PRKDC: variants seen among roughly 807,000 people sequenced by gnomAD.
PRKDC encodes protein kinase, DNA-activated, catalytic subunit, also known as DNA-dependent protein kinase catalytic subunit.
Under a neutral mutation model 486.9 loss-of-function variants are expected in PRKDC, and 82 were observed. The observed-to-expected ratio is 0.17, with a 90% CI of 0.14 to 0.20. The LOEUF is 0.20. Ranked by LOEUF, PRKDC falls within the 10% of genes least tolerant of loss-of-function variation. The pLI, the probability that PRKDC is intolerant of heterozygous loss-of-function variation, is 1.00. For missense variants in PRKDC, 4,504 were observed against 5,038.2 expected (o/e 0.89, Z 3.21); for synonymous variants, 1,895 against 1,837.0 (o/e 1.03, Z -0.81).
chr8:47,812,081 TAGGA>T (rs1363536058), intron 68 of PRKDC, among the ~76,000 whole-genome samples: 2 of 152,202 alleles, frequency 1.3e-5, no homozygotes, highest in African/African-American at 2.4e-5. Flanking sequence ...ATAATTTCAT[TAGGA>T]AGACAGCAGT....
chr8:47,798,211 C>T (rs200370318), intron 73 of PRKDC, 26 bp downstream of exon 73: 1 of 1,600,532 alleles, frequency 6.2e-7, no homozygotes, highest in Non-Finnish European at 8.5e-7. Flanking sequence ...AAGTTCCTTA[C>T]CGCCAAGTAG....
chr8:47,942,712 A>G (rs1029683868), intron 10 of PRKDC, among the ~76,000 whole-genome samples: 7 of 152,258 alleles, frequency 4.6e-5, no homozygotes, highest in African/African-American at 1.7e-4. Context: ...ACCAGTGCTC[A>G]GAATGACAAG....
At chr8:47,894,917 A>C (rs1483764986) in intron 30 of PRKDC, among the ~76,000 whole-genome samples, 1 of 152,154 alleles carries the variant, frequency 6.6e-6, no homozygotes, top group Non-Finnish European at 1.5e-5. Flanking sequence ...TCTACAAAAA[A>C]ACTTAAAAAT....
chr8:47,835,873 C>T (rs1038837309), intron 58 of PRKDC, among the ~76,000 whole-genome samples: 1 of 151,944 alleles, frequency 6.6e-6, no homozygotes, highest in Non-Finnish European at 1.5e-5. Flanking sequence ...AGCCATTCCC[C>T]GCCTCAGCTT....
At chr8:47,857,840 C>CA (rs1271677615) in intron 48 of PRKDC, among the ~76,000 whole-genome samples, 1 of 152,140 alleles carries the variant, frequency 6.6e-6, no homozygotes, top group African/African-American at 2.4e-5. Context: ...TCTACGGAGC[C>CA]AAGTGGATGG....
In PRKDC at chr8:47,931,377, G is replaced by A; in HGVS notation, c.1777-590C>T. Among the ~76,000 whole-genome samples, 2 of 152,158 alleles carry A rather than the reference G, an allele frequency of 1.3e-5. 1 individual carries two copies. The highest frequency in any genetic ancestry group is 3.9e-4 in the East Asian group (2 of 5,194). On this transcript the variant is annotated intron_variant, in intron 16 of 85. Transcript: ENST00000314191. Reference sequence around the variant, plus strand: ...CAGGTGGTCATTGATCTGTTGGAATGAAGCTGGAAGGGCAGGGAACAGAGG... The same window carrying A: ...CAGGTGGTCATTGATCTGTTGGAATAAAGCTGGAAGGGCAGGGAACAGAGG...
intron 21 of PRKDC, among the ~76,000 whole-genome samples, chr8:47,924,580 A>T (rs1207847157): frequency 1.3e-5 from 2 of 151,458 alleles, no homozygotes; most frequent in Non-Finnish European, 2.9e-5. Flanking sequence ...TAATAATAAT[A>T]AAAAAAAGGA....
At chr8:47,785,092 C>T (rs2086768712) in intron 77 of PRKDC, 21 bp downstream of exon 77, 21 of 1,611,764 alleles carry the variant, frequency 1.3e-5, no homozygotes, top group Non-Finnish European at 1.7e-5. Context: ...ACAGTTTTGT[C>T]ACCCCTGGAG....
chr8:47,786,723 C>CTTTTTTTT (rs5891257), intron 76 of PRKDC, among the ~76,000 whole-genome samples: 15 of 88,248 alleles, frequency 1.7e-4, no homozygotes, highest in Non-Finnish European at 2.1e-4. Flanking sequence ...ATTATTTAAT[C>CTTTTTTTT]TTTTTTTTTT....
At chr8:47,948,387 C>T (rs754695287) in intron 7 of PRKDC, among the ~76,000 whole-genome samples, 69 of 151,174 alleles carry the variant, frequency 4.6e-4, no homozygotes, top group Non-Finnish European at 6.9e-4. Flanking sequence ...GGATTACAGG[C>T]GGGAGCCACC....
chr8:47,864,628 C>A lies in PRKDC; in HGVS notation c.5499G>T (p.Leu1833=). Residue 1833 remains leucine, a synonymous_variant, in exon 41 of 86, where the codon CTG becomes CTT. Coordinates refer to ENST00000314191, the MANE Select transcript of PRKDC (RefSeq NM_006904.7). ...TGCTGAAGAATTCTCTCAAAGCATC[C>A]AGGCTACAGTGCCACAGCAGAGTGA... ...SLLTLLWHCS[L]DALREFFSTI... The A allele has an allele frequency of 6.2e-7, 1 of 1,609,672 alleles. No individual in the cohort carries two copies. Among genetic ancestry groups the A allele is most frequent in the Non-Finnish European group, 8.5e-7 (1 of 1,178,150 alleles).
rs1265238369 is a variant in PRKDC, at chr8:47,929,175, C to G, written c.2056G>C (p.Val686Leu). The G allele has an allele frequency of 6.4e-7, 1 of 1,564,224 alleles. No individual in the cohort carries two copies. Among genetic ancestry groups the G allele is most frequent in the Non-Finnish European group, 8.7e-7 (1 of 1,150,708 alleles). ...GAGTGTTTCAGACTCTTTGGACTAA[C>G]TCCCTGTCAAATAAAACAGCAAGTT... ...NAKKIKYFEG[V>L]SPKSLKHSPE... Residue 686 changes from valine to leucine, a missense_variant, in exon 19 of 86, where the codon GTT becomes CTT. By Grantham distance (32) the Val-to-Leu change is conservative. Coordinates refer to ENST00000314191, the MANE Select transcript of PRKDC (RefSeq NM_006904.7).
At position 47,794,353 on chromosome 8, in the gene PRKDC, C is replaced by T; in HGVS notation, c.10607G>A (p.Ser3536Asn). 1 of 1,613,822 alleles carries T rather than the reference C, an allele frequency of 6.2e-7. No individual in the cohort carries two copies. ...PQAIVYPFIISSESYSFKDTS... is the reference protein window; with the variant it reads ...PQAIVYPFIINSESYSFKDTS... ...ATCCTTGAAGGAATAGCTTTCGCTG[C>T]TTATGATGAAGGGATAAACAATAGC... Residue 3536 changes from serine (S) to asparagine (N), a missense_variant, in exon 74 of 86, where the codon AGC becomes AAC. Ser to Asn is a conservative substitution (Grantham distance 46). Coordinates refer to ENST00000314191, the MANE Select transcript of PRKDC (RefSeq NM_006904.7).
At chr8:47,935,419 G>A (rs1489850196) in intron 13 of PRKDC, among the ~76,000 whole-genome samples, 1 of 151,978 alleles carries the variant, frequency 6.6e-6, no homozygotes, top group Non-Finnish European at 1.5e-5. Context: ...AGAATCGCTT[G>A]AACCCAGGAG....
intron 85 of PRKDC, 75 bp downstream of exon 85, chr8:47,776,769 G>T: frequency 3.2e-6 from 5 of 1,540,130 alleles, no homozygotes; most frequent in Non-Finnish European, 4.4e-6. Context: ...TCAGCACTTT[G>T]TATATATGTT....
intron 14 of PRKDC, among the ~76,000 whole-genome samples, chr8:47,934,450 G>A (rs1247007228): frequency 2.0e-5 from 3 of 152,138 alleles, no homozygotes; most frequent in Admixed American, 6.5e-5. Context: ...CAGGAGAATC[G>A]CTTGAACCTT....
intron 21 of PRKDC, among the ~76,000 whole-genome samples, chr8:47,922,458 C>T (rs764232492): frequency 2.9e-5 from 4 of 137,784 alleles, no homozygotes; most frequent in Non-Finnish European, 6.0e-5. Context: ...GGTAACAGAG[C>T]GATATTTCGT....
At chr8:47,958,584 C>G (rs1317160091) in intron 1 of PRKDC, among the ~76,000 whole-genome samples, 2 of 152,124 alleles carry the variant, frequency 1.3e-5, no homozygotes, top group Non-Finnish European at 2.9e-5. Flanking sequence ...GCTTTAGAAA[C>G]AAGTTACTAA....
At chr8:47,857,320 C>G (rs2088565650) in intron 48 of PRKDC, 21 bp from the exon 49 acceptor site, 3 of 1,591,738 alleles carry the variant, frequency 1.9e-6, no homozygotes, top group Admixed American at 1.8e-5. Flanking sequence ...ATGTAAAAGT[C>G]AAACATCAAA....
Sources: allele counts gnomAD v4.1 joint callset (sites outside exome capture counted in the v4.1 genomes callset), GRCh38; gene constraint gnomAD v4.1.1; transcripts MANE v1.5; gene names NCBI Gene and HGNC (gene_info 2026-07-23, HGNC 2026-07-21).